KCNQ5: variants seen among roughly 807,000 people sequenced by gnomAD.
The protein encoded by KCNQ5 is potassium voltage-gated channel subfamily Q member 5.
A neutral mutation model predicts 98.2 loss-of-function variants in KCNQ5; 30 were observed. The observed-to-expected ratio is 0.31, with a 90% confidence interval of 0.23 to 0.41. The LOEUF (loss-of-function observed/expected upper bound fraction) is 0.41. Ranked by LOEUF, KCNQ5 falls within the 10% of genes least tolerant of loss-of-function variation. The pLI is 1.00. For synonymous variants in KCNQ5, 458 were observed against 449.4 expected (o/e 1.02, Z -0.24); for missense variants, 835 against 1,182.5 (o/e 0.71, Z 4.31).
At chr6:73,179,541 G>A (rs1778332057) in intron 11 of KCNQ5, among the ~76,000 whole-genome samples, 1 of 152,074 alleles carries the variant, frequency 6.6e-6, no homozygotes. Context: ...TTCGGAGGGG[G>A]CATTCAAACC....
intron 1 of KCNQ5, among the ~76,000 whole-genome samples, chr6:72,751,721 T>C (rs1197473525): frequency 6.6e-6 from 1 of 152,130 alleles, no homozygotes; most frequent in Admixed American, 6.6e-5. Context: ...TCTTATTTAG[T>C]ACAAAAAGCA....
intron 1 of KCNQ5, among the ~76,000 whole-genome samples, chr6:72,891,065 A>G (rs1779038822): frequency 6.6e-6 from 1 of 152,234 alleles, no homozygotes. Flanking sequence ...CAAGCTTCAT[A>G]TTGATCAAAA....
At chr6:72,727,526 T>A (rs750415220) in intron 1 of KCNQ5, among the ~76,000 whole-genome samples, 6 of 149,264 alleles carry the variant, frequency 4.0e-5, no homozygotes, top group Non-Finnish European at 7.6e-5. Flanking sequence ...TTTTCTGGAT[T>A]TTTTTTTTCA....
At chr6:72,801,742 C>T (rs1375256697) in intron 1 of KCNQ5, among the ~76,000 whole-genome samples, 1 of 152,058 alleles carries the variant, frequency 6.6e-6, no homozygotes, top group Non-Finnish European at 1.5e-5. Flanking sequence ...TACAATTTGG[C>T]ATGGTTTTGC....
intron 1 of KCNQ5, among the ~76,000 whole-genome samples, chr6:72,773,450 CA>C (rs1773007392): frequency 1.3e-5 from 2 of 151,892 alleles, no homozygotes; most frequent in South Asian, 2.1e-4. Flanking sequence ...CAGGGCCTGT[CA>C]GGGGGTGGGA....
At chr6:72,782,082 T>TG (rs5877334) in intron 1 of KCNQ5, among the ~76,000 whole-genome samples, 90,863 of 151,924 alleles carry the variant, frequency 0.6, 27,198 homozygotes, top group Admixed American at 0.65. Flanking sequence ...ACCATTTTCT[T>TG]TTGACATGTC....
intron 5 of KCNQ5, among the ~76,000 whole-genome samples, chr6:73,087,301 C>T (rs577460333): frequency 4.1e-4 from 62 of 152,056 alleles, no homozygotes; most frequent in African/African-American, 1.4e-3. Context: ...TGATAGATTC[C>T]GTGGGGGGAG....
Position 73,044,012 on chromosome 6 carries a change from G to A in KCNQ5, c.616+1950G>A, listed in dbSNP as rs550131981. On this transcript the variant is annotated intron_variant, in intron 3 of 13. Transcript: ENST00000370398. ...TTAAAAATTTAGTATGATGCCTGGC[G>A]CAGTCACTCCTGCCTGTAATCCCAG... 7.2e-5 allele frequency among the ~76,000 whole-genome samples: 11 copies of A among 152,302 alleles called. 1 individual carries two copies. In the South Asian group the frequency reaches 1.9e-3, roughly 26 times the overall value.
intron 1 of KCNQ5, among the ~76,000 whole-genome samples, chr6:72,965,382 G>A (rs2150274817): frequency 6.6e-6 from 1 of 152,268 alleles, no homozygotes; most frequent in East Asian, 1.9e-4. Context: ...AGAGGCTCCT[G>A]GGGACTTAGT....
intron 1 of KCNQ5, among the ~76,000 whole-genome samples, chr6:72,925,997 C>T (rs1765403220): frequency 1.3e-5 from 2 of 152,166 alleles, no homozygotes; most frequent in South Asian, 4.1e-4. Flanking sequence ...ATTACTCTAT[C>T]TACCTTTGTG....
At chr6:73,142,312 A>G (rs79034941) in intron 10 of KCNQ5, among the ~76,000 whole-genome samples, 4,512 of 152,234 alleles carry the variant, frequency 0.03, 88 homozygotes, top group Middle Eastern at 0.12. Flanking sequence ...GGCTACCACA[A>G]ATGCCTTCAG....
At chr6:72,975,044 T>A (rs977624776) in intron 1 of KCNQ5, among the ~76,000 whole-genome samples, 4 of 152,194 alleles carry the variant, frequency 2.6e-5, no homozygotes, top group African/African-American at 9.6e-5. Context: ...ACCCTAACAC[T>A]TTCTACTTTT....
intron 1 of KCNQ5, among the ~76,000 whole-genome samples, chr6:72,780,989 A>G (rs1397247571): frequency 4.6e-5 from 7 of 152,178 alleles, no homozygotes; most frequent in Admixed American, 4.6e-4. Flanking sequence ...TTATATCTAA[A>G]CATAAATCTT....
At chr6:72,859,178 A>C (rs1388745856) in intron 1 of KCNQ5, among the ~76,000 whole-genome samples, 1 of 152,148 alleles carries the variant, frequency 6.6e-6, no homozygotes, top group Non-Finnish European at 1.5e-5. Flanking sequence ...GTTTTATTAT[A>C]ATAGAGTTGT....
At chr6:73,124,980 TACACACACACAC>T (rs150667060) in intron 9 of KCNQ5, among the ~76,000 whole-genome samples, 45 of 22,728 alleles carry the variant, frequency 2.0e-3, no homozygotes, top group South Asian at 3.5e-3. Flanking sequence ...TATATATATA[TACACACACACAC>T]ATATATATAT....
intron 2 of KCNQ5, among the ~76,000 whole-genome samples, chr6:73,006,117 T>C (rs1448231364): frequency 2.6e-5 from 4 of 152,160 alleles, no homozygotes; most frequent in Non-Finnish European, 5.9e-5. Flanking sequence ...GTTCAATCAT[T>C]TGTAGAAGAT....
At chr6:72,779,747 G>A (rs1773356944) in intron 1 of KCNQ5, among the ~76,000 whole-genome samples, 1 of 151,652 alleles carries the variant, frequency 6.6e-6, no homozygotes, top group Admixed American at 6.6e-5. Context: ...CAGGCTCAAG[G>A]GATACTACCA....
intron 1 of KCNQ5, among the ~76,000 whole-genome samples, chr6:72,867,960 ACT>A (rs1491542495): frequency 1.4e-4 from 21 of 151,062 alleles, no homozygotes; most frequent in Non-Finnish European, 2.5e-4. Flanking sequence ...TACTACTACT[ACT>A]ACTACTACTA....
rs1042881280 is a variant in KCNQ5, at chr6:72,644,204, T to G, written c.398+21617T>G. ...TACAGGGTTAGGTCCTATGAGCCTT[T>G]GGTCATAACATTTTCATCAATGGAT... On this transcript the variant is annotated intron_variant, in intron 1 of 13. Transcript: ENST00000370398. 2.0e-5 allele frequency among the ~76,000 whole-genome samples: 3 copies of G among 152,208 alleles called. No homozygotes were observed. The East Asian group carries it at 5.8e-4, about 29-fold the overall frequency.
Sources: gnomAD v4.1 joint callset for allele counts (sites outside exome capture counted in the v4.1 genomes callset) on GRCh38, gnomAD v4.1.1 for gene constraint, MANE v1.5 for transcripts, NCBI Gene and HGNC (gene_info 2026-07-23, HGNC 2026-07-21) for gene names.